The following ELAVL4 variants were observed in gnomAD, a reference collection of about 807,000 sequenced individuals.
ELAVL4 encodes ELAV-like protein 4.
Under a neutral mutation model 35.6 loss-of-function variants are expected in ELAVL4, and 1 was observed. The ratio of observed to expected loss-of-function variants is 0.03; its 90% CI spans 0.01 to 0.13. The LOEUF (loss-of-function observed/expected upper bound fraction) is 0.13, where lower values mean the gene tolerates loss of function less well. Among genes scored for constraint, ELAVL4 ranks in the 10% least tolerant of loss-of-function variants. The pLI, the probability that ELAVL4 is intolerant of heterozygous loss-of-function variation, is 1.00. For synonymous variants in ELAVL4, 156 were observed against 171.0 expected (o/e 0.91, Z 0.69); for missense variants, 267 against 464.9 (o/e 0.57, Z 3.91).
intron 1 of ELAVL4, among the ~76,000 whole-genome samples, chr1:50,095,565 C>T (rs920601399): frequency 6.6e-6 from 1 of 152,166 alleles, no homozygotes; most frequent in Non-Finnish European, 1.5e-5. Flanking sequence ...CACACACACA[C>T]ACATACAGCC....
At chr1:50,081,795 A>C (rs1665019031) in intron 1 of ELAVL4, among the ~76,000 whole-genome samples, 1 of 152,194 alleles carries the variant, frequency 6.6e-6, no homozygotes. Context: ...CGTCATCTAC[A>C]TTAGGTATTT....
At chr1:50,115,578 A>G (rs1385633557) in intron 1 of ELAVL4, among the ~76,000 whole-genome samples, 1 of 152,084 alleles carries the variant, frequency 6.6e-6, no homozygotes, top group South Asian at 2.1e-4. Flanking sequence ...TTTTTTCCAT[A>G]GGAAGTTTAG....
At chr1:50,118,825 G>T (rs1668398880) in intron 1 of ELAVL4, among the ~76,000 whole-genome samples, 1 of 151,750 alleles carries the variant, frequency 6.6e-6, no homozygotes. Context: ...TATGCTTACA[G>T]GAAGGATATA....
rs1572621666 is a variant in ELAVL4 at position 50,194,050 on chromosome 1, A to G, written c.508+132A>G. Reference sequence around the variant, plus strand: ...TGAATAGACAGATTTTTGACTTGGAAGAAAGACTTCTTATCGGTCAACTGC... The same window carrying G: ...TGAATAGACAGATTTTTGACTTGGAGGAAAGACTTCTTATCGGTCAACTGC... On this transcript the variant is annotated intron_variant, in intron 4 of 6. Transcript: ENST00000371824. The G allele has an allele frequency of 2.5e-6, 3 of 1,204,672 alleles. No homozygotes were observed. The African/African-American group carries it at 4.7e-5, about 19-fold the overall frequency. 74.6% of individuals were successfully genotyped at this position (1,204,672 alleles called of 1,614,324 possible).
intron 1 of ELAVL4, among the ~76,000 whole-genome samples, chr1:50,072,731 A>G (rs1361771639): frequency 6.6e-6 from 1 of 152,218 alleles, no homozygotes; most frequent in Non-Finnish European, 1.5e-5. Context: ...GCCAAATGCC[A>G]GACATTGTGC....
At chr1:50,156,292 A>T (rs1162351300) in intron 2 of ELAVL4, among the ~76,000 whole-genome samples, 4 of 152,246 alleles carry the variant, frequency 2.6e-5, no homozygotes, top group Non-Finnish European at 4.4e-5. Flanking sequence ...AGTAGAGAAG[A>T]TAAATCTTAA....
intron 1 of ELAVL4, among the ~76,000 whole-genome samples, chr1:50,080,731 C>A (rs1664970915): frequency 6.6e-6 from 1 of 152,112 alleles, no homozygotes; most frequent in African/African-American, 2.4e-5. Context: ...GGTCTCAGTT[C>A]AGATGTTACC....
intron 3 of ELAVL4, among the ~76,000 whole-genome samples, chr1:50,186,840 TAA>T (rs200186427): frequency 3.9e-5 from 1 of 25,848 alleles, no homozygotes; most frequent in African/African-American, 5.1e-5. Context: ...TCACCTCTGA[TAA>T]AATAGCACGT....
At chr1:50,048,238 G>C (rs751862345) in intron 1 of ELAVL4, 218 of 1,457,790 alleles carry the variant, frequency 1.5e-4, no homozygotes, top group Non-Finnish European at 1.9e-4. Context: ...CCTCTGTTAC[G>C]GACACCCGCT....
intron 1 of ELAVL4, among the ~76,000 whole-genome samples, chr1:50,127,753 A>C (rs1670189825): frequency 6.6e-6 from 1 of 152,156 alleles, no homozygotes; most frequent in African/African-American, 2.4e-5. Flanking sequence ...AGAATGGTTA[A>C]GTGACTTGTC....
chr1:50,158,433 G>A lies in ELAVL4; in HGVS notation c.250+13236G>A, dbSNP rs528879584. Among the ~76,000 whole-genome samples the A allele has an allele frequency of 2.6e-4, 40 of 152,266 alleles. 1 individual carries two copies. The East Asian group carries it at 2.9e-3, about 11-fold the overall frequency. ...TTTGTGTGTGTGTGTGTCTGCATGT[G>A]TGTATGTGTGTACCTATGAGAGTTT... On this transcript the variant is annotated intron_variant, in intron 2 of 6. Coordinates refer to ENST00000371824, the MANE Select transcript of ELAVL4 (RefSeq NM_001144774.3).
At chr1:50,063,136 A>C (rs568365484) in intron 1 of ELAVL4, among the ~76,000 whole-genome samples, 5 of 152,156 alleles carry the variant, frequency 3.3e-5, no homozygotes, top group African/African-American at 1.2e-4. Flanking sequence ...ATAGTCTTCC[A>C]CCTACAAAAT....
intron 2 of ELAVL4, among the ~76,000 whole-genome samples, chr1:50,164,130 G>A (rs555503660): frequency 4.6e-5 from 7 of 152,244 alleles, no homozygotes; most frequent in African/African-American, 1.7e-4. Context: ...CCCATAATGC[G>A]TGCTCAAAAA....
At chr1:50,109,810 A>G (rs1666751593) in intron 1 of ELAVL4, 1 of 1,099,038 alleles carries the variant, frequency 9.1e-7, no homozygotes, top group Non-Finnish European at 1.4e-6. Flanking sequence ...TATGTGTAGC[A>G]GTGCCTGGCG....
At chr1:50,076,912 A>G (rs936284170) in intron 1 of ELAVL4, among the ~76,000 whole-genome samples, 4 of 152,162 alleles carry the variant, frequency 2.6e-5, no homozygotes, top group Non-Finnish European at 5.9e-5. Context: ...AACCTGTGCA[A>G]GTCACTCAAC....
intron 1 of ELAVL4, among the ~76,000 whole-genome samples, chr1:50,092,247 T>G (rs1665528048): frequency 6.6e-6 from 1 of 152,182 alleles, no homozygotes; most frequent in South Asian, 2.1e-4. Context: ...GGTAAGTTCT[T>G]CCTTAGAAGG....
chr1:50,060,950 CAT>C (rs1169204049), intron 1 of ELAVL4, among the ~76,000 whole-genome samples: 2 of 152,180 alleles, frequency 1.3e-5, no homozygotes, highest in African/African-American at 4.8e-5. Flanking sequence ...AAGAAATAGA[CAT>C]GTGTTTAATA....
intron 2 of ELAVL4, among the ~76,000 whole-genome samples, chr1:50,168,171 C>G (rs1678293447): frequency 6.6e-6 from 1 of 152,244 alleles, no homozygotes; most frequent in Middle Eastern, 3.4e-3. Flanking sequence ...TTTTCTCTTC[C>G]TCTGTCAACT....
At chr1:50,093,151 G>C (rs780626196) in intron 1 of ELAVL4, among the ~76,000 whole-genome samples, 1 of 152,208 alleles carries the variant, frequency 6.6e-6, no homozygotes, top group African/African-American at 2.4e-5. Flanking sequence ...GTTCCAGACA[G>C]AGAGAGAATA....
Sources: gnomAD v4.1 joint callset for allele counts (sites outside exome capture counted in the v4.1 genomes callset) on GRCh38, gnomAD v4.1.1 for gene constraint, MANE v1.5 for transcripts, NCBI Gene and HGNC (gene_info 2026-07-23, HGNC 2026-07-21) for gene names.